PIK3AP1: variants seen among roughly 807,000 people sequenced by gnomAD.
PIK3AP1 encodes the protein phosphoinositide 3-kinase adapter protein 1.
In PIK3AP1, 21 loss-of-function variants were observed where a neutral mutation model predicts 88.1. That is an observed-to-expected ratio of 0.24 (90% confidence interval 0.17 to 0.34). PIK3AP1 has a LOEUF of 0.34. PIK3AP1 is among the 10% of genes least tolerant of loss of function. The pLI is 1.00. For synonymous variants in PIK3AP1, 398 were observed against 400.0 expected, an observed-to-expected ratio of 1.00 and a Z score of 0.06; for missense variants, 828 against 1,035.7, an observed-to-expected ratio of 0.80 and a Z score of 2.75.
Position 96,716,192 on chromosome 10 carries a change from G to T in PIK3AP1, c.13+4190C>A, listed in dbSNP as rs551520571. 2.0e-5 allele frequency among the ~76,000 whole-genome samples: 3 copies of T among 152,252 alleles called. No individual in the cohort carries two copies. In the East Asian group the frequency reaches 5.8e-4, roughly 29 times the overall value. On this transcript the variant is annotated intron_variant, in intron 1 of 16. Coordinates refer to ENST00000339364, the MANE Select transcript of PIK3AP1 (RefSeq NM_152309.3). The stretch of plus-strand genomic sequence containing the variant: ...AGCTACTCAGGAGGCTGAGCCATGA[G>T]AATTGTTTGAACCTGGGAGGCAGAG...
chr10:96,713,803 G>A (rs184072953), intron 1 of PIK3AP1, among the ~76,000 whole-genome samples: 1 of 152,210 alleles, frequency 6.6e-6, no homozygotes, highest in East Asian at 1.9e-4. Flanking sequence ...TTTCCCCCTG[G>A]ATCCTGCCTC....
chr10:96,709,559 A>G lies in PIK3AP1; in HGVS notation c.430+8T>C. The G allele has an allele frequency of 6.3e-7, 1 of 1,596,238 alleles. No individual in the cohort carries two copies. ...TAGGGCTTGCTTATCTTTAGAAGAA[A>G]TCCTTACCTTCGGAAATGGCTTTTT... On this transcript the variant is annotated splice_region_variant and intron_variant, in intron 2 of 16. Coordinates refer to ENST00000339364, the MANE Select transcript of PIK3AP1 (RefSeq NM_152309.3).
chr10:96,596,494 C>T (rs1223748249), intron 16 of PIK3AP1, among the ~76,000 whole-genome samples: 1 of 152,134 alleles, frequency 6.6e-6, no homozygotes, highest in Non-Finnish European at 1.5e-5. Context: ...AATAATAAAA[C>T]CTAGGTTTTA....
intron 8 of PIK3AP1, among the ~76,000 whole-genome samples, chr10:96,629,396 C>T (rs527304392): frequency 1.1e-3 from 161 of 151,876 alleles, no homozygotes; most frequent in Non-Finnish European, 2.0e-3. Context: ...AGGACTATAA[C>T]TGGAACCATA....
intron 2 of PIK3AP1, among the ~76,000 whole-genome samples, chr10:96,705,884 GTTTTTTTTTTTT>G (rs964917515): frequency 5.7e-4 from 35 of 60,970 alleles, no homozygotes; most frequent in Non-Finnish European, 9.0e-4. Flanking sequence ...CCAGCCAGTT[GTTTTTTTTTTTT>G]TTTTTTTTTT....
chr10:96,661,431 C>G (rs1442120468), intron 2 of PIK3AP1, among the ~76,000 whole-genome samples: 2 of 152,156 alleles, frequency 1.3e-5, no homozygotes, highest in Non-Finnish European at 2.9e-5. Flanking sequence ...CTAATATAAA[C>G]TCTGGCCTTC....
intron 11 of PIK3AP1, chr10:96,621,599 A>C (rs199656307): frequency 3.3e-5 from 5 of 152,330 alleles, no homozygotes; most frequent in African/African-American, 9.6e-5. Context: ...GGCCCCAGCC[A>C]CAGCCACAAC....
intron 2 of PIK3AP1, among the ~76,000 whole-genome samples, chr10:96,677,794 A>C (rs1265364381): frequency 6.6e-6 from 1 of 152,206 alleles, no homozygotes; most frequent in Non-Finnish European, 1.5e-5. Context: ...AAACCACTGG[A>C]AACCTAATCA....
At chr10:96,623,057 T>C (rs1344885165) in intron 11 of PIK3AP1, among the ~76,000 whole-genome samples, 1 of 152,148 alleles carries the variant, frequency 6.6e-6, no homozygotes, top group East Asian at 1.9e-4. Flanking sequence ...TTATGGACAC[T>C]TTCCACTAAT....
intron 1 of PIK3AP1, 52 bp from the exon 2 acceptor site, chr10:96,710,035 G>T: frequency 2.0e-6 from 3 of 1,513,266 alleles, no homozygotes; most frequent in South Asian, 1.3e-5. Flanking sequence ...CCTTCTAGGT[G>T]GCTCCCCACA....
chr10:96,678,535 G>A (rs1404299364), intron 2 of PIK3AP1, among the ~76,000 whole-genome samples: 1 of 152,162 alleles, frequency 6.6e-6, no homozygotes, highest in Non-Finnish European at 1.5e-5. Context: ...CTCCCAATGT[G>A]CTGGGATTAT....
chr10:96,605,502 A>T (rs1023771231), intron 14 of PIK3AP1, among the ~76,000 whole-genome samples: 1 of 152,218 alleles, frequency 6.6e-6, no homozygotes, highest in Non-Finnish European at 1.5e-5. Flanking sequence ...TAATCAACAA[A>T]AATAAGGAGA....
intron 1 of PIK3AP1, among the ~76,000 whole-genome samples, chr10:96,712,157 A>G (rs1432300836): frequency 6.6e-6 from 1 of 152,160 alleles, no homozygotes; most frequent in Non-Finnish European, 1.5e-5. Flanking sequence ...TGCTAATATA[A>G]AGCCCACAGT....
intron 4 of PIK3AP1, 110 bp from the exon 5 acceptor site, chr10:96,651,761 G>T (rs1843541867): frequency 1.5e-6 from 2 of 1,294,140 alleles, no homozygotes; most frequent in African/African-American, 1.5e-5. Context: ...CTAATTGGGG[G>T]CTGGAAGAAA....
chr10:96,639,331 T>C (rs969782270), intron 8 of PIK3AP1, among the ~76,000 whole-genome samples: 3 of 152,124 alleles, frequency 2.0e-5, no homozygotes, highest in African/African-American at 7.2e-5. Flanking sequence ...AGCACTGGGA[T>C]AGGCACTGTG....
rs755769271 is a variant in PIK3AP1 at position 96,709,805 on chromosome 10, G to A, written c.192C>T (p.Thr64=). Residue 64 remains threonine, a synonymous_variant, in exon 2 of 17, where the codon ACC becomes ACT. Coordinates refer to ENST00000339364, the MANE Select transcript of PIK3AP1 (RefSeq NM_152309.3). The stretch of plus-strand genomic sequence containing the variant: ...CGGACAGCAGCACCACGACACAGCG[G>A]GTGCTGAGGAAAAGGCTTAGGTCCT... The part of the protein sequence containing the change: ...SAEDLSLFLS[T]RCVVVLLSAE... 6.2e-7 allele frequency: 1 copy of A among 1,613,616 alleles called. No homozygotes were observed. Among genetic ancestry groups the A allele is most frequent in the Non-Finnish European group, 8.5e-7 (1 of 1,179,590 alleles).
chr10:96,698,603 C>T (rs1844252780), intron 2 of PIK3AP1, among the ~76,000 whole-genome samples: 1 of 152,146 alleles, frequency 6.6e-6, no homozygotes, highest in African/African-American at 2.4e-5. Context: ...TGCAGTGGTG[C>T]ATGCCTGTGA....
Position 96,718,371 on chromosome 10 carries a change from A to G in PIK3AP1, c.13+2011T>C, listed in dbSNP as rs149849077. 2.1e-3 allele frequency among the ~76,000 whole-genome samples: 327 copies of G among 152,358 alleles called. 1 individual carries two copies. Among genetic ancestry groups the G allele is most frequent in the Admixed American group, 3.9e-3 (59 of 15,298 alleles). ...TACAGAAGGGTGGCTGGATGACTCCAAAGCCCACAGCACCTTGGCGAGCGG... is the reference window on the plus strand; with the variant it reads ...TACAGAAGGGTGGCTGGATGACTCCGAAGCCCACAGCACCTTGGCGAGCGG... On this transcript the variant is annotated intron_variant, in intron 1 of 16. Transcript: ENST00000339364.
At chr10:96,673,555 C>T (rs1036917036) in intron 2 of PIK3AP1, among the ~76,000 whole-genome samples, 4 of 152,136 alleles carry the variant, frequency 2.6e-5, no homozygotes, top group Admixed American at 6.5e-5. Context: ...AAATGTGCTT[C>T]CTCTCCCTAT....
Sources: gnomAD v4.1 joint callset for allele counts (sites outside exome capture counted in the v4.1 genomes callset) on GRCh38, gnomAD v4.1.1 for gene constraint, MANE v1.5 for transcripts, NCBI Gene and HGNC (gene_info 2026-07-23, HGNC 2026-07-21) for gene names.